Variants in COL5A2 observed in about 807,000 individuals in gnomAD.
COL5A2 encodes the protein collagen alpha-2(V) chain.
A neutral mutation model predicts 208.2 loss-of-function variants in COL5A2; 23 were observed. The observed-to-expected ratio is 0.11, with a 90% CI of 0.08 to 0.16. The LOEUF is 0.16. Among genes scored for constraint, COL5A2 ranks in the 10% least tolerant of loss-of-function variants. The probability of loss-of-function intolerance (pLI) is 1.00; values close to 1 mark genes in which losing one functional copy is unlikely to be tolerated. For synonymous variants in COL5A2, 625 were observed against 628.5 expected (o/e 0.99, Z 0.08); for missense variants, 1,590 against 1,956.4 (o/e 0.81, Z 3.53).
At chr2:189,038,054 A>G (rs1685478287) in intron 51 of COL5A2, among the ~76,000 whole-genome samples, 1 of 152,146 alleles carries the variant, frequency 6.6e-6, no homozygotes, top group Non-Finnish European at 1.5e-5. Context: ...TTTATTTTAA[A>G]TACAAGGGGT....
At chr2:189,384,733 G>A in the COL5A2 span, among the ~76,000 whole-genome samples, 1 of 152,102 alleles carries the variant, frequency 6.6e-6, no homozygotes, top group East Asian at 1.9e-4. Flanking sequence ...CTTTGCTGTG[G>A]AGTATCCTTG....
intron 10 of COL5A2, 105 bp from the exon 11 acceptor site, chr2:189,085,318 G>A: frequency 2.0e-6 from 2 of 986,306 alleles, no homozygotes; most frequent in Non-Finnish European, 3.1e-6. Context: ...AACTATTATT[G>A]AAACAAATGA....
the COL5A2 span, among the ~76,000 whole-genome samples, chr2:189,358,835 TAA>T: frequency 6.7e-6 from 1 of 150,334 alleles, no homozygotes; most frequent in African/African-American, 2.4e-5. Flanking sequence ...GTAGCTATTA[TAA>T]AAGTGATTGC....
chr2:189,100,055 T>G (rs1452720664), intron 4 of COL5A2, 52 bp downstream of exon 4: 1 of 1,419,698 alleles, frequency 7.0e-7, no homozygotes, highest in African/African-American at 1.4e-5. Flanking sequence ...AATTATACTA[T>G]AAGCTAAGTT....
chr2:189,269,840 G>C, the COL5A2 span, among the ~76,000 whole-genome samples: 4 of 152,142 alleles, frequency 2.6e-5, no homozygotes, highest in African/African-American at 9.7e-5. Flanking sequence ...ACCTCTGGTA[G>C]AATTCAGCTG....
At chr2:189,226,280 T>C (rs1327698883), upstream of COL5A2, among the ~76,000 whole-genome samples, 1 of 152,086 alleles carries the variant, frequency 6.6e-6, no homozygotes, top group Non-Finnish European at 1.5e-5. Flanking sequence ...GAGGAATGAT[T>C]GAGGAGTGGC....
the COL5A2 span, among the ~76,000 whole-genome samples, chr2:189,388,838 C>T: frequency 6.6e-6 from 1 of 152,070 alleles, no homozygotes; most frequent in Non-Finnish European, 1.5e-5. Flanking sequence ...CTCATTTATT[C>T]ATTCTGCAAA....
chr2:189,410,326 T>G, the COL5A2 span, among the ~76,000 whole-genome samples: 2 of 152,070 alleles, frequency 1.3e-5, no homozygotes, highest in African/African-American at 4.8e-5. Flanking sequence ...TCCCAGAGCT[T>G]TCAGAGGCCA....
chr2:189,283,958 G>A, the COL5A2 span, among the ~76,000 whole-genome samples: 236 of 152,178 alleles, frequency 1.6e-3, no homozygotes, highest in African/African-American at 5.2e-3. Flanking sequence ...AAAATTACAT[G>A]TTAGAAAAAA....
At chr2:189,325,420 G>A in the COL5A2 span, among the ~76,000 whole-genome samples, 1 of 151,344 alleles carries the variant, frequency 6.6e-6, no homozygotes, top group Non-Finnish European at 1.5e-5. Flanking sequence ...TGTTCCTAGC[G>A]GTCCTTCCAC....
intron 17 of COL5A2, among the ~76,000 whole-genome samples, chr2:189,073,205 C>T (rs940942691): frequency 6.6e-6 from 1 of 151,886 alleles, no homozygotes; most frequent in Non-Finnish European, 1.5e-5. Context: ...TCTCTCTTTC[C>T]CTCATAATAT....
At chr2:189,257,243 C>T in the COL5A2 span, among the ~76,000 whole-genome samples, 6 of 152,100 alleles carry the variant, frequency 3.9e-5, no homozygotes, top group Non-Finnish European at 7.4e-5. Flanking sequence ...GATTTTTATT[C>T]AGGTTCCTCA....
intron 1 of COL5A2, among the ~76,000 whole-genome samples, chr2:189,208,973 A>G (rs1158943657): frequency 6.6e-6 from 1 of 152,134 alleles, no homozygotes; most frequent in Non-Finnish European, 1.5e-5. Flanking sequence ...CTTTCCCACA[A>G]CTGGCCTCAT....
the COL5A2 span, among the ~76,000 whole-genome samples, chr2:189,328,082 T>C: frequency 1.3e-5 from 2 of 152,200 alleles, no homozygotes; most frequent in South Asian, 4.1e-4. Context: ...TTCATAGCAA[T>C]GCTCTCAACT....
chr2:189,275,205 A>T, the COL5A2 span, among the ~76,000 whole-genome samples: 24 of 152,230 alleles, frequency 1.6e-4, no homozygotes, highest in African/African-American at 5.5e-4. Flanking sequence ...CTACTTTTGC[A>T]TAGAAGTTAT....
At chr2:189,356,369 A>G in the COL5A2 span, among the ~76,000 whole-genome samples, 2 of 151,876 alleles carry the variant, frequency 1.3e-5, no homozygotes, top group African/African-American at 4.8e-5. Flanking sequence ...TTTCAGTTAC[A>G]CCAATCAAAC....
intron 1 of COL5A2, among the ~76,000 whole-genome samples, chr2:189,200,384 A>G (rs113668277): frequency 0.071 from 10,759 of 152,050 alleles, 519 homozygotes; most frequent in Middle Eastern, 0.12. Flanking sequence ...GAAGCTGCTA[A>G]GTGAATTACT....
In COL5A2 at chr2:189,088,745, C is replaced by G; in HGVS notation, c.595G>C (p.Asp199His). The G allele has an allele frequency of 6.2e-7, 1 of 1,614,046 alleles. No individual in the cohort carries two copies. The highest frequency in any genetic ancestry group is 1.1e-5 in the South Asian group (1 of 91,080). ...TGACTCCCAAGTCCAGATTTTTCAT[C>G]CAACCCAGCCATTTGAGCTGAAAAC... ...RPFSAQMAGL[D>H]EKSGLGSQVG... Residue 199 changes from aspartate to histidine, a missense_variant, in exon 8 of 54, where the codon GAT (aspartate) becomes CAT (histidine). By Grantham distance (81) the Asp-to-His change is moderately conservative. Transcript: ENST00000374866.
intron 1 of COL5A2, among the ~76,000 whole-genome samples, chr2:189,168,538 C>G (rs978495896): frequency 2.0e-5 from 3 of 151,250 alleles, no homozygotes; most frequent in Non-Finnish European, 4.4e-5. Context: ...AATCTGAGAA[C>G]GAAAGAATGA....
Sources: gnomAD v4.1 joint callset for allele counts (sites outside exome capture counted in the v4.1 genomes callset) on GRCh38, gnomAD v4.1.1 for gene constraint, MANE v1.5 for transcripts, NCBI Gene and HGNC (gene_info 2026-07-23, HGNC 2026-07-21) for gene names.